Variants in GABRB2 observed in about 807,000 individuals in gnomAD.
GABRB2 encodes the protein gamma-aminobutyric acid receptor subunit beta-2.
A neutral mutation model predicts 54.7 loss-of-function variants in GABRB2; 16 were observed. The ratio of observed to expected loss-of-function variants is 0.29; its 90% CI spans 0.20 to 0.44. The LOEUF (loss-of-function observed/expected upper bound fraction) is 0.44, where lower values mean the gene tolerates loss of function less well. Ranked by LOEUF, GABRB2 falls within the 20% of genes least tolerant of loss-of-function variation. GABRB2 has a pLI of 1.00. For missense variants in GABRB2, 355 were observed against 644.0 expected (o/e 0.55, Z 4.86); for synonymous variants, 244 against 233.8 (o/e 1.04, Z -0.40).
intron 3 of GABRB2, among the ~76,000 whole-genome samples, chr5:161,504,419 G>A (rs1274476632): frequency 3.3e-5 from 5 of 152,022 alleles, no homozygotes; most frequent in East Asian, 3.8e-4. Flanking sequence ...TTGGGAAATC[G>A]CACAACATTT....
chr5:161,413,551 A>G (rs1190629160), intron 4 of GABRB2, among the ~76,000 whole-genome samples: 1 of 152,114 alleles, frequency 6.6e-6, no homozygotes, highest in East Asian at 1.9e-4. Context: ...TGGTCCACTG[A>G]TGTTTTTTGT....
At chr5:161,442,719 G>T (rs571494747) in intron 4 of GABRB2, among the ~76,000 whole-genome samples, 1 of 152,042 alleles carries the variant, frequency 6.6e-6, no homozygotes, top group Non-Finnish European at 1.5e-5. Flanking sequence ...GCTTTACCCT[G>T]CCATTGCATT....
At chr5:161,474,992 ATATGCAT>A (rs1758553164) in intron 3 of GABRB2, among the ~76,000 whole-genome samples, 1 of 151,922 alleles carries the variant, frequency 6.6e-6, no homozygotes, top group African/African-American at 2.4e-5. Context: ...TTGACTTCTC[ATATGCAT>A]TCAGAGAAGG....
chr5:161,502,306 A>G (rs996621767), intron 3 of GABRB2, among the ~76,000 whole-genome samples: 1 of 152,120 alleles, frequency 6.6e-6, no homozygotes. Flanking sequence ...TAATTAAAAT[A>G]TCAGTACTTT....
intron 4 of GABRB2, 51 bp from the exon 5 acceptor site, chr5:161,411,108 G>T: frequency 1.4e-6 from 2 of 1,391,126 alleles, no homozygotes; most frequent in Non-Finnish European, 1.0e-6. Flanking sequence ...TAAGGCTGGA[G>T]CTGGAAATTT....
chr5:161,470,721 T>C (rs1335973338), intron 3 of GABRB2, among the ~76,000 whole-genome samples: 1 of 151,994 alleles, frequency 6.6e-6, no homozygotes, highest in African/African-American at 2.4e-5. Flanking sequence ...ATTTACAGTT[T>C]ATGAATTGTT....
intron 5 of GABRB2, among the ~76,000 whole-genome samples, chr5:161,378,870 G>C (rs78104057): frequency 0.01 from 1,582 of 152,254 alleles, 35 homozygotes; most frequent in South Asian, 0.052. Context: ...ATTCAAGCTG[G>C]AGTGCCTCAT....
intron 3 of GABRB2, among the ~76,000 whole-genome samples, chr5:161,488,114 T>C (rs577443730): frequency 2.7e-4 from 41 of 152,026 alleles, no homozygotes; most frequent in African/African-American, 9.6e-4. Flanking sequence ...CTTTGTCTTT[T>C]AGTAGGATTA....
intron 3 of GABRB2, among the ~76,000 whole-genome samples, chr5:161,515,548 C>T (rs1759916277): frequency 1.3e-5 from 2 of 152,046 alleles, no homozygotes; most frequent in South Asian, 2.1e-4. Context: ...TTCACATATC[C>T]TATTAATTCC....
At position 161,330,865 on chromosome 5, in the gene GABRB2, C is replaced by T; in HGVS notation, c.1077+18G>A. 6.2e-7 allele frequency: 1 copy of T among 1,614,150 alleles called. No homozygotes were observed. The highest frequency in any genetic ancestry group is 1.3e-5 in the African/African-American group (1 of 75,068). The stretch of plus-strand genomic sequence containing the variant: ...CCATGAGTTTAAGAAGCAAGGAGGG[C>T]TTGCCCTCTGAATTTACCTTGTTGA... On this transcript the variant is annotated intron_variant, in intron 8 of 9. Coordinates refer to ENST00000393959, the MANE Select transcript of GABRB2 (RefSeq NM_001371727.1).
At chr5:161,362,957 G>C (rs1754857311) in intron 5 of GABRB2, among the ~76,000 whole-genome samples, 1 of 152,156 alleles carries the variant, frequency 6.6e-6, no homozygotes. Flanking sequence ...AAACATTATG[G>C]AAGACAGTGT....
intron 9 of GABRB2, among the ~76,000 whole-genome samples, chr5:161,297,312 T>C (rs1757406447): frequency 6.6e-6 from 1 of 152,166 alleles, no homozygotes; most frequent in African/African-American, 2.4e-5. Flanking sequence ...CATTAAGTTC[T>C]GGGACACATG....
At chr5:161,358,751 C>T (rs1754715395) in intron 5 of GABRB2, among the ~76,000 whole-genome samples, 2 of 152,036 alleles carry the variant, frequency 1.3e-5, no homozygotes, top group South Asian at 2.1e-4. Context: ...GAAGCAAGTT[C>T]ATTAGCTGAG....
intron 5 of GABRB2, among the ~76,000 whole-genome samples, chr5:161,368,413 A>G (rs1322435318): frequency 1.3e-5 from 2 of 152,184 alleles, no homozygotes; most frequent in Non-Finnish European, 2.9e-5. Context: ...CAAGGGGTCT[A>G]TGATGCCCAA....
intron 5 of GABRB2, among the ~76,000 whole-genome samples, chr5:161,405,760 C>A (rs926274572): frequency 2.0e-5 from 3 of 151,948 alleles, no homozygotes; most frequent in Non-Finnish European, 4.4e-5. Flanking sequence ...TATAGCATAA[C>A]CCAATACAAA....
At chr5:161,522,859 T>C (rs955312666) in intron 3 of GABRB2, among the ~76,000 whole-genome samples, 2 of 151,598 alleles carry the variant, frequency 1.3e-5, no homozygotes, top group South Asian at 2.1e-4. Flanking sequence ...ATTATCATTA[T>C]TGACTTGGTG....
intron 4 of GABRB2, among the ~76,000 whole-genome samples, chr5:161,446,537 T>C (rs1289982536): frequency 6.6e-6 from 1 of 152,070 alleles, no homozygotes; most frequent in Non-Finnish European, 1.5e-5. Context: ...CATTAAATCA[T>C]CATGAAAGGC....
intron 4 of GABRB2, among the ~76,000 whole-genome samples, chr5:161,411,797 A>T (rs182607121): frequency 1.3e-5 from 2 of 152,030 alleles, no homozygotes; most frequent in Non-Finnish European, 2.9e-5. Context: ...AAGCCAAAAA[A>T]TATATACATT....
intron 3 of GABRB2, among the ~76,000 whole-genome samples, chr5:161,505,039 A>C (rs1012558687): frequency 6.6e-6 from 1 of 151,952 alleles, no homozygotes; most frequent in Admixed American, 6.6e-5. Context: ...AATGCTGTAA[A>C]TTCTATATAA....
Sources: gnomAD v4.1 joint callset for allele counts (sites outside exome capture counted in the v4.1 genomes callset) on GRCh38, gnomAD v4.1.1 for gene constraint, MANE v1.5 for transcripts, NCBI Gene and HGNC (gene_info 2026-07-23, HGNC 2026-07-21) for gene names.